Variants in ANO7 observed in about 807,000 individuals in gnomAD.
ANO7 encodes anoctamin 7.
In ANO7, 114 loss-of-function variants were observed where a neutral mutation model predicts 115.8. The ratio of observed to expected loss-of-function variants is 0.98; its 90% confidence interval spans 0.85 to 1.15. The LOEUF (loss-of-function observed/expected upper bound fraction) is 1.15, where lower values mean the gene tolerates loss of function less well. ANO7 is among the 50% of genes most tolerant of loss of function. The pLI is 0.00. For missense variants in ANO7, 1,302 were observed against 1,201.2 expected (o/e 1.08, Z -1.24); for synonymous variants, 550 against 498.2 (o/e 1.10, Z -1.38).
chr2:241,195,131 C>A (rs2068292369), intron 3 of ANO7, among the ~76,000 whole-genome samples: 1 of 152,202 alleles, frequency 6.6e-6, no homozygotes, highest in Non-Finnish European at 1.5e-5. Context: ...GCACCTAATT[C>A]AAATGCCCAT....
intron 17 of ANO7, among the ~76,000 whole-genome samples, 180 bp from the exon 18 acceptor site, chr2:241,214,625 G>A (rs2068782995): frequency 6.6e-6 from 1 of 152,212 alleles, no homozygotes; most frequent in South Asian, 2.1e-4. Flanking sequence ...TGGACCTGGG[G>A]GCTCCTGTGA....
Position 241,223,319 on chromosome 2 carries a change from C to T in ANO7, c.2412+43C>T, listed in dbSNP as rs143139350. The T allele has an allele frequency of 2.0e-4, 324 of 1,603,524 alleles. 2 individuals are homozygous for T. In the African/African-American group the frequency reaches 3.8e-3, roughly 19 times the overall value. On this transcript the variant is annotated intron_variant, in intron 22 of 24. Coordinates refer to ENST00000674324, the MANE Select transcript of ANO7 (RefSeq NM_001370694.2). ...TGGTTCTCCCATCCATGGCATGAGG[C>T]CCCGACCCTGTGCTTTGCCTAATTC...
the ANO7 span, chr2:241,234,111 G>C: frequency 1.2e-6 from 1 of 818,388 alleles, no homozygotes; most frequent in East Asian, 2.6e-5. Flanking sequence ...TCTCTGGTCC[G>C]ACCTCTGCCA....
At position 241,224,327 on chromosome 2, in the gene ANO7, G is replaced by T; in HGVS notation, c.*174G>T. The T allele has an allele frequency of 1.5e-6, 1 of 680,426 alleles. No homozygotes were observed. The highest frequency in any genetic ancestry group is 2.4e-6 in the Non-Finnish European group (1 of 408,632). The allele number at this position is 680,426 out of a possible 1,614,324, so 42.1% of individuals were successfully genotyped here. On this transcript the variant is annotated 3_prime_UTR_variant, in exon 25 of 25. Transcript: ENST00000674324. ...CAGCGCCGGCTTCTCTCCTCAGAGC[G>T]CCTGTCACTCCATCCCCGGCAGGGA...
downstream of ANO7, chr2:241,229,784 G>GGGCCCCC: frequency 2.7e-6 from 4 of 1,502,528 alleles, no homozygotes; most frequent in Non-Finnish European, 2.7e-6. Context: ...AAGCCCGCCT[G>GGGCCCCC]CCCGCCCACC....
rs1176495493 is a variant in ANO7, at chr2:241,204,930, T to G, written c.955T>G (p.Phe319Val). The change falls in exon 10 of 25, where the codon TTC becomes GTC. Residue 319 changes from phenylalanine (F) to valine (V), a missense_variant. Physicochemically the swap from Phe to Val is conservative, Grantham distance 50. Transcript: ENST00000674324. ...CACACTGGTGTTCCTGGTGGGCTGC[T>G]TCCTGGTGTTCTCAGACATACCCAC... is the stretch of plus-strand genomic sequence containing the variant. ...VGTLVFLVGC[F>V]LVFSDIPTQE... is the part of the protein sequence containing the mutation. 21 of 1,613,956 alleles carry G rather than the reference T, an allele frequency of 1.3e-5. No individual in the cohort carries two copies. Among genetic ancestry groups the G allele is most frequent in the Non-Finnish European group, 1.8e-5 (21 of 1,179,974 alleles).
At chr2:241,208,703 C>T (rs1373594880) in intron 11 of ANO7, among the ~76,000 whole-genome samples, 2 of 152,212 alleles carry the variant, frequency 1.3e-5, no homozygotes, top group East Asian at 3.8e-4. Context: ...AAAGTCTCAA[C>T]CTCTTACAGC....
Position 241,223,784 on chromosome 2 carries a change from G to A in ANO7, c.2532+3G>A, listed in dbSNP as rs1369864976. ...AGCAGGCACTGGCTGAGAATGAGGT[G>A]AACTGTACAGCCCAGTCTCGGCCCT... On this transcript the variant is annotated splice_donor_region_variant and intron_variant, in intron 23 of 24. Coordinates refer to ENST00000674324, the MANE Select transcript of ANO7 (RefSeq NM_001370694.2). The A allele has an allele frequency of 1.2e-6, 2 of 1,614,100 alleles. No individual in the cohort carries two copies. Among genetic ancestry groups the A allele is most frequent in the African/African-American group, 2.7e-5 (2 of 74,942 alleles).
At chr2:241,231,027 G>C in the ANO7 span, 1 of 1,196,192 alleles carries the variant, frequency 8.4e-7, no homozygotes, top group African/African-American at 1.5e-5. Context: ...CACTGCTGAG[G>C]AAAACAGCTC....
At position 241,225,296 on chromosome 2, in the gene ANO7, CA is replaced by C. The variant is rs748834146; in HGVS notation, c.*1144del. On this transcript the variant is annotated 3_prime_UTR_variant, in exon 25 of 25. Coordinates refer to ENST00000674324, the MANE Select transcript of ANO7 (RefSeq NM_001370694.2). ...ATCCCAGGACTTTGGGAGGCTGAGGCAGGAGGATTACAAGGTCAGGAGTTCG... is the reference window on the plus strand; with the variant it reads ...ATCCCAGGACTTTGGGAGGCTGAGGCGGAGGATTACAAGGTCAGGAGTTCG... The C allele has an allele frequency of 1.3e-5, 2 of 152,098 alleles. No homozygotes were observed. The highest frequency in any genetic ancestry group is 2.9e-5 in the Non-Finnish European group (2 of 68,004). 9.4% of individuals were successfully genotyped at this position (152,098 alleles called of 1,614,324 possible). A position where few individuals can be genotyped will look rare whatever the true frequency, so the allele number is the denominator to read the frequency against.
At chr2:241,235,680 A>C in the ANO7 span, 3 of 870,876 alleles carry the variant, frequency 3.4e-6, no homozygotes, top group Non-Finnish European at 3.8e-6. Flanking sequence ...CACGAAACAC[A>C]AGGCAAACAG....
At chr2:241,229,691 T>G (rs1166682135), downstream of ANO7, 2 of 1,613,976 alleles carry the variant, frequency 1.2e-6, no homozygotes, top group Non-Finnish European at 1.7e-6. Flanking sequence ...CAGGAGCCTG[T>G]GCAGAGAGAG....
chr2:241,218,124 C>T, intron 20 of ANO7, 115 bp from the exon 21 acceptor site: 1 of 226,920 alleles, frequency 4.4e-6, no homozygotes, highest in Non-Finnish European at 4.8e-6. Flanking sequence ...CGCGCAGGGG[C>T]GGAGCGGGGG....
intron 2 of ANO7, 150 bp downstream of exon 2, chr2:241,190,321 C>A: frequency 1.5e-6 from 1 of 650,024 alleles, no homozygotes; most frequent in Non-Finnish European, 2.7e-6. Context: ...CCTCGCCACC[C>A]AGTCCTCAAC....
intron 8 of ANO7, 39 bp downstream of exon 8, chr2:241,202,343 A>G: frequency 6.3e-7 from 1 of 1,586,462 alleles, no homozygotes; most frequent in Non-Finnish European, 8.6e-7. Flanking sequence ...TGGGTATGGG[A>G]GATGAGTCCC....
At chr2:241,220,842 A>G (rs932930821) in intron 21 of ANO7, among the ~76,000 whole-genome samples, 3 of 151,362 alleles carry the variant, frequency 2.0e-5, no homozygotes, top group Non-Finnish European at 4.4e-5. Context: ...GTGGCAGTTC[A>G]CGCCTGTAAT....
chr2:241,207,514 G>C, intron 10 of ANO7, 60 bp from the exon 11 acceptor site: 1 of 1,461,526 alleles, frequency 6.8e-7, no homozygotes, highest in South Asian at 1.1e-5. Context: ...CGCCTGGCTG[G>C]GAGGAGCAAG....
chr2:241,192,791 G>A (rs2068235340), intron 3 of ANO7, among the ~76,000 whole-genome samples: 1 of 152,172 alleles, frequency 6.6e-6, no homozygotes, highest in African/African-American at 2.4e-5. Flanking sequence ...TGCGCCTTGT[G>A]GACAGTATGC....
chr2:241,232,314 C>T, the ANO7 span, among the ~76,000 whole-genome samples: 6 of 150,154 alleles, frequency 4.0e-5, no homozygotes, highest in South Asian at 2.1e-4. Flanking sequence ...CTCACTCTGT[C>T]GCCCAGGCTG....
Sources: gnomAD v4.1 joint callset for allele counts (sites outside exome capture counted in the v4.1 genomes callset) on GRCh38, gnomAD v4.1.1 for gene constraint, MANE v1.5 for transcripts, NCBI Gene and HGNC (gene_info 2026-07-23, HGNC 2026-07-21) for gene names.